ZNF407: variants seen among roughly 807,000 people sequenced by gnomAD.
ZNF407 encodes the protein zinc finger protein 407.
ZNF407 carries 17 observed loss-of-function variants against 131.2 expected under a neutral mutation model. The observed-to-expected ratio is 0.13, with a 90% CI of 0.09 to 0.19. The LOEUF is 0.19. Ranked by LOEUF, ZNF407 falls within the 10% of genes least tolerant of loss-of-function variation. The probability of loss-of-function intolerance (pLI) is 1.00; values close to 1 mark genes in which losing one functional copy is unlikely to be tolerated. For missense variants in ZNF407, 2,681 were observed against 2,830.6 expected (o/e 0.95, Z 1.20); for synonymous variants, 1,156 against 1,062.0 (o/e 1.09, Z -1.72).
intron 3 of ZNF407, among the ~76,000 whole-genome samples, chr18:74,734,241 A>G (rs1968358901): frequency 6.6e-6 from 1 of 152,036 alleles, no homozygotes; most frequent in African/African-American, 2.4e-5. Flanking sequence ...TCTAAATATC[A>G]CCATGGATAC....
At chr18:74,813,222 CT>C (rs894302430) in intron 4 of ZNF407, among the ~76,000 whole-genome samples, 1 of 130,476 alleles carries the variant, frequency 7.7e-6, no homozygotes, top group Non-Finnish European at 1.8e-5. Context: ...TGGTTTGTCC[CT>C]GTGGACATCC....
rs1019703124 is a variant in ZNF407 at position 74,668,938 on chromosome 18, T to C, written c.4802+27816T>C. ...AAAAAAACCTAAGTCTCTGTTCTCA[T>C]GCGTGTCACGTTCTGGTGTGCTTAG... On this transcript the variant is annotated intron_variant, in intron 3 of 8. Transcript: ENST00000299687. 3.3e-5 allele frequency among the ~76,000 whole-genome samples: 5 copies of C among 152,024 alleles called. No individual in the cohort carries two copies. In the South Asian group the frequency reaches 8.3e-4, roughly 25 times the overall value.
chr18:74,760,803 T>C (rs1480696179), intron 3 of ZNF407, among the ~76,000 whole-genome samples: 1 of 152,190 alleles, frequency 6.6e-6, no homozygotes, highest in Non-Finnish European at 1.5e-5. Flanking sequence ...TTTGTTGTTT[T>C]TCTGGAGTCT....
intron 8 of ZNF407, among the ~76,000 whole-genome samples, chr18:74,943,668 C>T (rs767698647): frequency 5.3e-5 from 8 of 152,150 alleles, no homozygotes; most frequent in Admixed American, 1.3e-4. Flanking sequence ...GTTGGAAGAA[C>T]GAAGTCATGG....
chr18:74,723,203 C>T (rs1287357663), intron 3 of ZNF407, among the ~76,000 whole-genome samples: 1 of 152,134 alleles, frequency 6.6e-6, no homozygotes, highest in African/African-American at 2.4e-5. Context: ...TTCTTTTAAG[C>T]ATATTTCCTT....
At chr18:74,711,379 A>G (rs979848134) in intron 3 of ZNF407, among the ~76,000 whole-genome samples, 4 of 152,290 alleles carry the variant, frequency 2.6e-5, no homozygotes, top group East Asian at 3.9e-4. Flanking sequence ...GAGGGGCCCA[A>G]TGTGATCACA....
intron 3 of ZNF407, among the ~76,000 whole-genome samples, chr18:74,662,285 G>A (rs2144733136): frequency 6.6e-6 from 1 of 152,224 alleles, no homozygotes; most frequent in Non-Finnish European, 1.5e-5. Flanking sequence ...TTCTAGTAGA[G>A]TGATATGATC....
intron 1 of ZNF407, among the ~76,000 whole-genome samples, chr18:74,624,911 G>T (rs1461107121): frequency 6.6e-6 from 1 of 152,162 alleles, no homozygotes; most frequent in Non-Finnish European, 1.5e-5. Flanking sequence ...TAAATATTCT[G>T]CTTGGGAGTA....
At chr18:74,689,009 G>A (rs1189810019) in intron 3 of ZNF407, among the ~76,000 whole-genome samples, 2 of 151,960 alleles carry the variant, frequency 1.3e-5, no homozygotes, top group African/African-American at 4.8e-5. Context: ...TTCTATTTTT[G>A]TAGAGATGGG....
At chr18:75,062,974 A>G (rs1599318723) in intron 8 of ZNF407, 176 bp from the exon 9 acceptor site, 1 of 569,598 alleles carries the variant, frequency 1.8e-6, no homozygotes, top group Non-Finnish European at 3.1e-6. Context: ...CTGCCTGCAG[A>G]TGCCCACGGA....
At chr18:75,005,457 T>G (rs994352084) in intron 8 of ZNF407, among the ~76,000 whole-genome samples, 1 of 152,086 alleles carries the variant, frequency 6.6e-6, no homozygotes, top group African/African-American at 2.4e-5. Flanking sequence ...AATGCAGAGT[T>G]TTAGGGTTAT....
intron 3 of ZNF407, among the ~76,000 whole-genome samples, chr18:74,707,292 A>G (rs1205873434): frequency 6.6e-6 from 1 of 152,126 alleles, no homozygotes; most frequent in African/African-American, 2.4e-5. Flanking sequence ...TGTACATGTC[A>G]AAGTGGGTTA....
At chr18:74,813,409 G>A (rs756111865) in intron 4 of ZNF407, among the ~76,000 whole-genome samples, 5 of 152,252 alleles carry the variant, frequency 3.3e-5, no homozygotes, top group African/African-American at 2.4e-5. Flanking sequence ...TCGCTCAAAC[G>A]GGAATTTGTC....
At chr18:74,738,741 A>G (rs1453286551) in intron 3 of ZNF407, among the ~76,000 whole-genome samples, 2 of 152,154 alleles carry the variant, frequency 1.3e-5, no homozygotes, top group Non-Finnish European at 2.9e-5. Flanking sequence ...TCTGTCTCAA[A>G]AAAAGTTAGG....
intron 3 of ZNF407, among the ~76,000 whole-genome samples, chr18:74,686,340 A>G (rs542078048): frequency 9.1e-4 from 138 of 152,336 alleles, no homozygotes; most frequent in South Asian, 8.3e-3. Context: ...ACACAAATGC[A>G]TCATCTACTT....
intron 8 of ZNF407, among the ~76,000 whole-genome samples, chr18:75,025,062 T>C (rs1415327249): frequency 6.6e-6 from 1 of 152,230 alleles, no homozygotes; most frequent in Non-Finnish European, 1.5e-5. Flanking sequence ...ATGTGACAGC[T>C]TCAACAGCCG....
At chr18:74,706,913 T>C (rs1967637282) in intron 3 of ZNF407, among the ~76,000 whole-genome samples, 1 of 150,776 alleles carries the variant, frequency 6.6e-6, no homozygotes, top group African/African-American at 2.4e-5. Context: ...AGCTGCACTG[T>C]TCATTCCACA....
At chr18:74,885,190 AT>A (rs1447389127) in intron 6 of ZNF407, among the ~76,000 whole-genome samples, 1 of 152,168 alleles carries the variant, frequency 6.6e-6, no homozygotes, top group African/African-American at 2.4e-5. Context: ...TGGGGGTATA[AT>A]GATGGCACAC....
intron 3 of ZNF407, among the ~76,000 whole-genome samples, chr18:74,704,717 T>A (rs1031804462): frequency 2.0e-5 from 3 of 152,212 alleles, no homozygotes; most frequent in African/African-American, 7.2e-5. Flanking sequence ...CTCTTTGCAT[T>A]AGTAGCTTTA....
Sources: gnomAD v4.1 joint callset for allele counts (sites outside exome capture counted in the v4.1 genomes callset) on GRCh38, gnomAD v4.1.1 for gene constraint, MANE v1.5 for transcripts, NCBI Gene and HGNC (gene_info 2026-07-23, HGNC 2026-07-21) for gene names.